Variants in ZNF208 observed in about 807,000 individuals in gnomAD.
The protein encoded by ZNF208 is zinc finger protein 208.
A neutral mutation model predicts 12.1 loss-of-function variants in ZNF208; 10 were observed. The ratio of observed to expected loss-of-function variants is 0.83; its 90% CI spans 0.51 to 1.40. ZNF208 has a LOEUF of 1.40. Among genes scored for constraint, ZNF208 ranks in the 40% most tolerant of loss-of-function variants. The probability of loss-of-function intolerance (pLI) is 0.00; values close to 1 mark genes in which losing one functional copy is unlikely to be tolerated. For missense variants in ZNF208, 1,652 were observed against 1,485.0 expected, an observed-to-expected ratio of 1.11 and a Z score of -1.85; for synonymous variants, 497 against 488.4, an observed-to-expected ratio of 1.02 and a Z score of -0.23.
chr19:21,947,962 G>A (rs746280923), intron 4 of ZNF208, among the ~76,000 whole-genome samples: 2 of 152,106 alleles, frequency 1.3e-5, no homozygotes, highest in Non-Finnish European at 2.9e-5. Context: ...TCCTGCCAAC[G>A]AGCTCCTCTG....
chr19:21,975,823 CAAAAA>C (rs532995268), intron 3 of ZNF208, among the ~76,000 whole-genome samples: 76 of 26,424 alleles, frequency 2.9e-3, no homozygotes, highest in African/African-American at 9.1e-3. Flanking sequence ...AGTCAAAGTC[CAAAAA>C]AAAAAAAAAA....
chr19:22,008,744 T>G (rs1309828685), intron 1 of ZNF208, among the ~76,000 whole-genome samples: 1 of 152,152 alleles, frequency 6.6e-6, no homozygotes, highest in Non-Finnish European at 1.5e-5. Context: ...AAGACAACAC[T>G]AATATCTCAA....
intron 4 of ZNF208, among the ~76,000 whole-genome samples, chr19:21,951,500 A>T (rs546547690): frequency 2.6e-5 from 4 of 152,358 alleles, no homozygotes; most frequent in African/African-American, 9.6e-5. Context: ...ATACCAAAAA[A>T]TTAATTTTGC....
At chr19:22,008,630 T>TA (rs1195791590) in intron 1 of ZNF208, among the ~76,000 whole-genome samples, 1 of 152,096 alleles carries the variant, frequency 6.6e-6, no homozygotes, top group Non-Finnish European at 1.5e-5. Context: ...TTCTGTCCCC[T>TA]AAGAGAATCC....
rs1309412415 is a variant in ZNF208, at chr19:21,973,371, A to G, written c.1663T>C (p.Cys555Arg). 8 of 1,611,600 alleles carry G rather than the reference A, an allele frequency of 5.0e-6. No individual in the cohort carries two copies. Among genetic ancestry groups the G allele is most frequent in the Non-Finnish European group, 6.8e-6 (8 of 1,179,788 alleles). Residue 555 changes from cysteine (C) to arginine (R), a missense_variant, in exon 4 of 4, where the codon TGT (cysteine) becomes CGT (arginine). Around this residue, in one of 3 missense-constraint regions of ZNF208, gnomAD observed 1,239 missense variants for 1,086.2 expected, o/e 1.14. Transcript: ENST00000397126. ...VIHTGEKPYK[C>R]EECGKAYKWS... is the part of the protein sequence containing the mutation. ...TTATAGGCTTTGCCACATTCTTCAC[A>G]TTTGTAGGGTTTCTCTCCAGTATGA...
At chr19:21,997,247 C>T (rs1970853686) in intron 1 of ZNF208, among the ~76,000 whole-genome samples, 1 of 152,162 alleles carries the variant, frequency 6.6e-6, no homozygotes. Context: ...ATTTACAGCA[C>T]CATGTCATAC....
chr19:21,955,213 G>T (rs1969953431), intron 4 of ZNF208, among the ~76,000 whole-genome samples: 2 of 152,164 alleles, frequency 1.3e-5, no homozygotes, highest in Non-Finnish European at 2.9e-5. Context: ...AGCCTGATGG[G>T]CTTCCATTTG....
Position 21,968,437 on chromosome 19 carries a change from T to A in ZNF208, c.*2754A>T, listed in dbSNP as rs1303483726. The stretch of plus-strand genomic sequence containing the variant: ...ATTGGGTTTTCTTGAATGCTTTTTC[T>A]GCCCCTACTGTTATTTTTTTTTCTT... On this transcript the variant is annotated 3_prime_UTR_variant, in exon 4 of 4. Transcript: ENST00000397126. 5.3e-5 allele frequency: 8 copies of A among 152,252 alleles called. No individual in the cohort carries two copies. The South Asian group carries it at 1.2e-3, about 24-fold the overall frequency. The allele number at this position is 152,252 out of a possible 1,614,324, so 9.4% of individuals were successfully genotyped here. A position where few individuals can be genotyped will look rare whatever the true frequency, so the allele number is the denominator to read the frequency against.
At chr19:22,000,803 T>G (rs971724618) in intron 1 of ZNF208, among the ~76,000 whole-genome samples, 1 of 151,756 alleles carries the variant, frequency 6.6e-6, no homozygotes, top group South Asian at 2.1e-4. Context: ...GTAAATAAAC[T>G]ACTAGCTAGA....
At chr19:21,948,238 T>C (rs1442904245) in intron 4 of ZNF208, among the ~76,000 whole-genome samples, 1 of 152,224 alleles carries the variant, frequency 6.6e-6, no homozygotes, top group Middle Eastern at 3.2e-3. Flanking sequence ...ATGGCTTATA[T>C]TCTGTCGCAC....
At chr19:21,955,279 C>T (rs1417894066) in intron 4 of ZNF208, among the ~76,000 whole-genome samples, 2 of 152,188 alleles carry the variant, frequency 1.3e-5, no homozygotes, top group Non-Finnish European at 2.9e-5. Context: ...TCCATTTCAA[C>T]TTTGATGAAT....
At position 21,968,282 on chromosome 19, in the gene ZNF208, T is replaced by C. The variant is rs1215728273; in HGVS notation, c.*2909A>G. The C allele has an allele frequency of 2.0e-5, 3 of 152,162 alleles. No homozygotes were observed. Among genetic ancestry groups the C allele is most frequent in the African/African-American group, 7.2e-5 (3 of 41,462 alleles). 9.4% of individuals were successfully genotyped at this position (152,162 alleles called of 1,614,324 possible). ...ACTGTTTAGAATGGATATTCTTATT[T>C]TTATTCTCATGGAGAATGCTTCCAG... On this transcript the variant is annotated 3_prime_UTR_variant, in exon 4 of 4. Transcript: ENST00000397126.
At chr19:22,005,136 C>T (rs1971022478) in intron 1 of ZNF208, among the ~76,000 whole-genome samples, 1 of 152,106 alleles carries the variant, frequency 6.6e-6, no homozygotes, top group Non-Finnish European at 1.5e-5. Context: ...GACTTGTAGA[C>T]ACTTTTGTGG....
chr19:21,974,149 A>C lies in ZNF208; in HGVS notation c.885T>G (p.Ser295Arg). The C allele has an allele frequency of 1.2e-6, 2 of 1,611,982 alleles. No homozygotes were observed. Among genetic ancestry groups the C allele is most frequent in the Non-Finnish European group, 1.7e-6 (2 of 1,179,122 alleles). ...NKCEECGKAF[S>R]KVSTLTTHKA... Reference sequence around the variant, plus strand: ...TATGTGTAGTAAGAGTCGAGACCTTACTAAAGGCTTTGCCACATTCTTCAC... The same window carrying C: ...TATGTGTAGTAAGAGTCGAGACCTTCCTAAAGGCTTTGCCACATTCTTCAC... The change falls in exon 4 of 4, where the codon AGT becomes AGG. Residue 295 changes from serine (S) to arginine (R), a missense_variant. Ser to Arg is a moderately radical substitution (Grantham distance 110). Transcript: ENST00000397126.
chr19:21,962,190 C>T (rs11881563), downstream of ZNF208, among the ~76,000 whole-genome samples: 24,544 of 152,008 alleles, frequency 0.16, 2,151 homozygotes, highest in Middle Eastern at 0.2. Flanking sequence ...CAGCTCCAGC[C>T]GGTCCCTCCA....
Position 21,974,348 on chromosome 19 carries a change from T to A in ZNF208, c.686A>T (p.Tyr229Phe). 2 of 1,613,758 alleles carry A rather than the reference T, an allele frequency of 1.2e-6. No homozygotes were observed. The highest frequency in any genetic ancestry group is 2.2e-5 in the East Asian group (1 of 44,858). ...YKSAHTGEKP[Y>F]RCKECGKAFS... ...GGCTTTGCCACATTCTTTACATCTG[T>A]AGGGTTTCTCTCCAGTATGAGCACT... The change falls in exon 4 of 4, where the codon TAC becomes TTC. Residue 229 changes from tyrosine to phenylalanine, a missense_variant. By Grantham distance (22) the Tyr-to-Phe change is conservative. Coordinates refer to ENST00000397126, the MANE Select transcript of ZNF208 (RefSeq NM_007153.3).
In ZNF208 at chr19:21,966,128, A is replaced by T. The variant is rs1450094123; in HGVS notation, c.*5063T>A. ...AAAAACATTTTATTATTTTTATTTT[A>T]TATTTAAGGTACATGTGCAGATTTG... On this transcript the variant is annotated 3_prime_UTR_variant, in exon 4 of 4. Coordinates refer to ENST00000397126, the MANE Select transcript of ZNF208 (RefSeq NM_007153.3). 6.6e-6 allele frequency: 1 copy of T among 152,070 alleles called. No individual in the cohort carries two copies. The highest frequency in any genetic ancestry group is 1.5e-5 in the Non-Finnish European group (1 of 67,972). The allele number at this position is 152,070 out of a possible 1,614,324, so 9.4% of individuals were successfully genotyped here.
At chr19:21,991,375 A>T (rs1316639161) in intron 1 of ZNF208, 1 of 152,222 alleles carries the variant, frequency 6.6e-6, no homozygotes, top group Non-Finnish European at 1.5e-5. Context: ...ATATTTTTCT[A>T]GATAATAAAG....
At chr19:21,986,874 T>G (rs752864580) in intron 3 of ZNF208, 30 of 398,930 alleles carry the variant, frequency 7.5e-5, no homozygotes, top group Non-Finnish European at 1.2e-4. Flanking sequence ...ACTTATAAGA[T>G]AGTTTAACAT....
Sources: gnomAD v4.1 joint callset for allele counts (sites outside exome capture counted in the v4.1 genomes callset) on GRCh38, gnomAD v4.1.1 for gene constraint, gnomAD v4.1.1 regional missense constraint, MANE v1.5 for transcripts, NCBI Gene and HGNC (gene_info 2026-07-23, HGNC 2026-07-21) for gene names.